The following LHFPL4 variants were observed in gnomAD, a reference collection of about 807,000 sequenced individuals.
LHFPL4 encodes LHFPL tetraspan subfamily member 4 protein.
In LHFPL4, 6 loss-of-function variants were observed where a neutral mutation model predicts 20.0. That is an observed-to-expected ratio of 0.30 (90% CI 0.16 to 0.59). The LOEUF is 0.59. Among genes scored for constraint, LHFPL4 ranks in the 20% least tolerant of loss-of-function variants. The probability of loss-of-function intolerance (pLI) is 0.88; values close to 1 mark genes in which losing one functional copy is unlikely to be tolerated. For missense variants in LHFPL4, 215 were observed against 331.2 expected, an observed-to-expected ratio of 0.65 and a Z score of 2.72; for synonymous variants, 129 against 143.8, an observed-to-expected ratio of 0.90 and a Z score of 0.74.
intron 2 of LHFPL4, among the ~76,000 whole-genome samples, chr3:9,541,415 T>G (rs2046475460): frequency 6.6e-6 from 1 of 152,156 alleles, no homozygotes; most frequent in Non-Finnish European, 1.5e-5. Flanking sequence ...GGAAACTGAA[T>G]AGCCACATGC....
At chr3:9,545,112 G>A (rs906243729) in intron 2 of LHFPL4, among the ~76,000 whole-genome samples, 1 of 152,044 alleles carries the variant, frequency 6.6e-6, no homozygotes, top group African/African-American at 2.4e-5. Flanking sequence ...AAGAAGAGGG[G>A]TGGGGAGAGG....
At chr3:9,531,168 G>T (rs2046406537) in intron 2 of LHFPL4, among the ~76,000 whole-genome samples, 1 of 152,150 alleles carries the variant, frequency 6.6e-6, no homozygotes, top group African/African-American at 2.4e-5. Context: ...AAAGATCACT[G>T]ATCACAGATC....
rs1421368003 is a variant in LHFPL4, at chr3:9,505,474, G to C, written c.643+493C>G. Among the ~76,000 whole-genome samples the C allele has an allele frequency of 2.0e-5, 3 of 150,424 alleles. No individual in the cohort carries two copies. In the East Asian group the frequency reaches 5.8e-4, roughly 29 times the overall value. ...TTTGTTTTTTTGTTTTTTTGTTTTT[G>C]AGACAGAGTCTCGCTGTCTCCCAGG... is the stretch of plus-strand genomic sequence containing the variant. On this transcript the variant is annotated intron_variant, in intron 3 of 3. Coordinates refer to ENST00000287585, the MANE Select transcript of LHFPL4 (RefSeq NM_198560.3).
At chr3:9,508,660 G>A (rs944368208) in intron 2 of LHFPL4, among the ~76,000 whole-genome samples, 1 of 152,188 alleles carries the variant, frequency 6.6e-6, no homozygotes, top group African/African-American at 2.4e-5. Context: ...GGAGGAAGAG[G>A]GGCCTGCGGA....
At chr3:9,544,548 C>T (rs1231498802) in intron 2 of LHFPL4, among the ~76,000 whole-genome samples, 1 of 152,126 alleles carries the variant, frequency 6.6e-6, no homozygotes, top group Non-Finnish European at 1.5e-5. Flanking sequence ...TTGCGTGAAC[C>T]CGGGAGGCAG....
chr3:9,547,392 G>A lies in LHFPL4; in HGVS notation c.406+4882C>T, dbSNP rs577840235. Among the ~76,000 whole-genome samples, 12 of 152,196 alleles carry A rather than the reference G, an allele frequency of 7.9e-5. No individual in the cohort carries two copies. The East Asian group carries it at 9.6e-4, about 12-fold the overall frequency. ...TCAAACCCAGTTGGGAGTGTCCCCC[G>A]GCTAACTACACCGGGCCCACAGGTA... On this transcript the variant is annotated intron_variant, in intron 2 of 3. Transcript: ENST00000287585.
intron 2 of LHFPL4, among the ~76,000 whole-genome samples, chr3:9,529,070 C>T (rs2046393329): frequency 6.6e-6 from 1 of 151,910 alleles, no homozygotes; most frequent in African/African-American, 2.4e-5. Flanking sequence ...ACTCTGTCAC[C>T]CAGGCTGGAG....
intron 2 of LHFPL4, among the ~76,000 whole-genome samples, chr3:9,508,396 C>T (rs551956651): frequency 6.6e-6 from 1 of 152,338 alleles, no homozygotes. Flanking sequence ...GTGGAACTCA[C>T]CACCTAAGGG....
intron 1 of LHFPL4, among the ~76,000 whole-genome samples, 178 bp downstream of exon 1, chr3:9,553,507 G>C (rs1259396687): frequency 1.3e-5 from 2 of 151,130 alleles, no homozygotes; most frequent in Non-Finnish European, 1.5e-5. Flanking sequence ...AGGAACGAAA[G>C]ACCGGGGCCG....
intron 2 of LHFPL4, among the ~76,000 whole-genome samples, chr3:9,521,965 T>C (rs2046340543): frequency 6.6e-6 from 1 of 152,116 alleles, no homozygotes; most frequent in African/African-American, 2.4e-5. Context: ...TTATTTTCTA[T>C]TTTCCTGTCT....
rs548719958 is a variant in LHFPL4 at position 9,549,655 on chromosome 3, C to T, written c.406+2619G>A. The stretch of plus-strand genomic sequence containing the variant: ...GAGCTTGCAGTGAGCCAAGATCATG[C>T]CATTGCACTCCAGCCTGGGCAACAA... On this transcript the variant is annotated intron_variant, in intron 2 of 3. Transcript: ENST00000287585. 1.5e-4 allele frequency among the ~76,000 whole-genome samples: 23 copies of T among 152,272 alleles called. No homozygotes were observed. The South Asian group carries it at 4.6e-3, about 30-fold the overall frequency.
In LHFPL4 at chr3:9,506,279, G is replaced by T; in HGVS notation, c.407-76C>A. On this transcript the variant is annotated intron_variant, in intron 2 of 3. Coordinates refer to ENST00000287585, the MANE Select transcript of LHFPL4 (RefSeq NM_198560.3). The surrounding 1 kb of genome is among the most constrained non-coding windows in gnomAD (Gnocchi z 4.5). ...AGACCATTACTCGCTAGTGTCCGCA[G>T]TCTGGGCCCCACCCTATTGAGGGCA... 8.5e-7 allele frequency: 1 copy of T among 1,171,366 alleles called. No homozygotes were observed. Among genetic ancestry groups the T allele is most frequent in the Non-Finnish European group, 1.3e-6 (1 of 789,754 alleles). The allele number at this position is 1,171,366 out of a possible 1,614,324, so 72.6% of individuals were successfully genotyped here.
chr3:9,502,247 G>A lies in LHFPL4; in HGVS notation c.708C>T (p.Val236=). ...GTGAGTGAGCCACGGGGCAGGGAAGGACTCCCCATCCAGAGACATCACCCC... is the reference window on the plus strand; with the variant it reads ...GTGAGTGAGCCACGGGGCAGGGAAGAACTCCCCATCCAGAGACATCACCCC... The part of the protein sequence containing the change: ...RPGGDVSGWG[V]LPCPVAHSQG... Residue 236 remains valine (V), a synonymous_variant, in exon 4 of 4, where the codon GTC becomes GTT. Coordinates refer to ENST00000287585, the MANE Select transcript of LHFPL4 (RefSeq NM_198560.3). 3 of 1,614,050 alleles carry A rather than the reference G, an allele frequency of 1.9e-6. No homozygotes were observed. Among genetic ancestry groups the A allele is most frequent in the Non-Finnish European group, 2.5e-6 (3 of 1,179,978 alleles).
chr3:9,552,238 G>A, intron 2 of LHFPL4, 36 bp downstream of exon 2: 1 of 1,552,766 alleles, frequency 6.4e-7, no homozygotes, highest in South Asian at 1.2e-5. Flanking sequence ...CGTCCCTGGC[G>A]CTTGTTCTGG....
In LHFPL4 at chr3:9,506,232, C is replaced by G. The variant is rs1339032282; in HGVS notation, c.407-29G>C. 2 of 1,564,454 alleles carry G rather than the reference C, an allele frequency of 1.3e-6. No individual in the cohort carries two copies. Among genetic ancestry groups the G allele is most frequent in the Non-Finnish European group, 8.8e-7 (1 of 1,135,016 alleles). ...AGGGGCAGAGCACCGGGCCCACCACCACGGTCAGGAAGGAAGAGAAAAGAC... is the reference window on the plus strand; with the variant it reads ...AGGGGCAGAGCACCGGGCCCACCACGACGGTCAGGAAGGAAGAGAAAAGAC... On this transcript the variant is annotated intron_variant, in intron 2 of 3. Coordinates refer to ENST00000287585, the MANE Select transcript of LHFPL4 (RefSeq NM_198560.3). The surrounding 1 kb of genome is among the most constrained non-coding windows in gnomAD (Gnocchi z 4.5).
chr3:9,519,699 C>CA (rs1559517666), intron 2 of LHFPL4, among the ~76,000 whole-genome samples: 1 of 151,920 alleles, frequency 6.6e-6, no homozygotes, highest in Non-Finnish European at 1.5e-5. Context: ...GCTAGGACTA[C>CA]AGGCATGTGC....
intron 2 of LHFPL4, among the ~76,000 whole-genome samples, chr3:9,545,705 G>A (rs1358789801): frequency 2.6e-5 from 4 of 151,908 alleles, no homozygotes; most frequent in African/African-American, 9.7e-5. Flanking sequence ...AACAGAGTGA[G>A]ACTCCATCTC....
At chr3:9,503,081 C>G (rs2046189973) in intron 3 of LHFPL4, among the ~76,000 whole-genome samples, 1 of 151,986 alleles carries the variant, frequency 6.6e-6, no homozygotes, top group Non-Finnish European at 1.5e-5. Flanking sequence ...CTCAAGCGAT[C>G]CTCCTGCCTC....
intron 2 of LHFPL4, among the ~76,000 whole-genome samples, chr3:9,523,633 C>T (rs1473542246): frequency 3.3e-5 from 5 of 151,814 alleles, no homozygotes; most frequent in Admixed American, 3.3e-4. Flanking sequence ...CCACCATGCC[C>T]AGCTAATTTT....
Sources: allele counts gnomAD v4.1 joint callset (sites outside exome capture counted in the v4.1 genomes callset), GRCh38; gene constraint gnomAD v4.1.1; non-coding constraint Gnocchi (gnomAD v3.1); transcripts MANE v1.5; gene names NCBI Gene and HGNC (gene_info 2026-07-23, HGNC 2026-07-21).